AKAP8L: variants seen among roughly 807,000 people sequenced by gnomAD.
AKAP8L encodes the protein A-kinase anchoring protein 8 like, also known as A-kinase anchor protein 8-like.
In AKAP8L, 34 loss-of-function variants were observed where a neutral mutation model predicts 77.5. That is an observed-to-expected ratio of 0.44 (90% CI 0.33 to 0.58). The LOEUF (loss-of-function observed/expected upper bound fraction) is 0.58. Among genes scored for constraint, AKAP8L ranks in the 20% least tolerant of loss-of-function variants. The pLI is 0.02. For missense variants in AKAP8L, 806 were observed against 887.6 expected (o/e 0.91, Z 1.17); for synonymous variants, 342 against 340.7 (o/e 1.00, Z -0.04).
chr19:15,396,823 G>A (rs1429869770), intron 12 of AKAP8L, among the ~76,000 whole-genome samples: 1 of 152,154 alleles, frequency 6.6e-6, no homozygotes, highest in African/African-American at 2.4e-5. Context: ...CAGCTCTCCT[G>A]AGCCTCAAGC....
intron 12 of AKAP8L, chr19:15,381,152 A>G (rs1370826010): frequency 6.5e-6 from 1 of 154,486 alleles, no homozygotes; most frequent in Non-Finnish European, 1.4e-5. Flanking sequence ...TTTGGAAAGC[A>G]GTTTGACACA....
chr19:15,403,197 T>G lies in AKAP8L; in HGVS notation c.362+278A>C. Reference sequence around the variant, plus strand: ...GAGGGAGGGGTGGCTGAACACTCTGTTTTTGAGGGCACAGTGAAGTCTGCC... The same window carrying G: ...GAGGGAGGGGTGGCTGAACACTCTGGTTTTGAGGGCACAGTGAAGTCTGCC... On this transcript the variant is annotated intron_variant, in intron 4 of 13. Coordinates refer to ENST00000397410, the MANE Select transcript of AKAP8L (RefSeq NM_014371.4). This position sits in a 1 kb window ranked among gnomAD's most constrained non-coding sequence, Gnocchi z 4.3. The G allele has an allele frequency of 2.1e-6, 1 of 476,386 alleles. No individual in the cohort carries two copies. Among genetic ancestry groups the G allele is most frequent in the Non-Finnish European group, 3.9e-6 (1 of 258,016 alleles). The allele number at this position is 476,386 out of a possible 1,614,324, so 29.5% of individuals were successfully genotyped here. A position where few individuals can be genotyped will look rare whatever the true frequency, so the allele number is the denominator to read the frequency against.
chr19:15,407,358 G>A (rs574928817), intron 2 of AKAP8L, among the ~76,000 whole-genome samples: 11 of 152,264 alleles, frequency 7.2e-5, no homozygotes, highest in African/African-American at 2.6e-4. Flanking sequence ...ACATTAATAT[G>A]GTAGGATCTT....
intron 12 of AKAP8L, among the ~76,000 whole-genome samples, chr19:15,389,690 G>C (rs1967619527): frequency 6.6e-6 from 1 of 152,216 alleles, no homozygotes; most frequent in African/African-American, 2.4e-5. Flanking sequence ...GGAATCACTT[G>C]AACCTGGGAG....
intron 12 of AKAP8L, among the ~76,000 whole-genome samples, chr19:15,389,876 A>C (rs1260252168): frequency 6.6e-6 from 1 of 151,472 alleles, no homozygotes; most frequent in East Asian, 2.0e-4. Context: ...AAAATCTTGA[A>C]AGCAGCAAGA....
intron 12 of AKAP8L, among the ~76,000 whole-genome samples, chr19:15,395,318 T>TTTTTG (rs761461362): frequency 6.7e-5 from 10 of 150,332 alleles, no homozygotes; most frequent in East Asian, 4.0e-4. Flanking sequence ...TGTTTTGGTT[T>TTTTTG]TTTTGTTTTG....
intron 12 of AKAP8L, among the ~76,000 whole-genome samples, chr19:15,393,071 C>A (rs1967697285): frequency 6.6e-6 from 1 of 151,956 alleles, no homozygotes; most frequent in African/African-American, 2.4e-5. Flanking sequence ...ATGCCAAGAT[C>A]ATTCAATGGG....
intron 12 of AKAP8L, among the ~76,000 whole-genome samples, chr19:15,387,821 T>C (rs1197014680): frequency 3.3e-5 from 5 of 152,078 alleles, no homozygotes. Flanking sequence ...TAGCCGGGCG[T>C]GGTAGCACAT....
chr19:15,392,740 C>G (rs1167515751), intron 12 of AKAP8L, among the ~76,000 whole-genome samples: 2 of 150,498 alleles, frequency 1.3e-5, no homozygotes, highest in Non-Finnish European at 3.0e-5. Context: ...ACCAAAAATA[C>G]AAAAAATTAG....
At chr19:15,414,591 C>A (rs913773394) in intron 1 of AKAP8L, among the ~76,000 whole-genome samples, 9 of 151,422 alleles carry the variant, frequency 5.9e-5, no homozygotes, top group Non-Finnish European at 1.3e-4. Flanking sequence ...TGGGGTCACG[C>A]CATTCTCCTG....
At chr19:15,405,414 T>C (rs1424781236) in intron 2 of AKAP8L, among the ~76,000 whole-genome samples, 3 of 151,320 alleles carry the variant, frequency 2.0e-5, no homozygotes, top group African/African-American at 7.3e-5. Context: ...ACACCTGTAG[T>C]CCCAGCTACT....
At chr19:15,391,129 A>C (rs536304663) in intron 12 of AKAP8L, among the ~76,000 whole-genome samples, 6 of 152,320 alleles carry the variant, frequency 3.9e-5, no homozygotes, top group Admixed American at 3.9e-4. Flanking sequence ...CTCTATTTGC[A>C]GATGACTGAT....
intron 12 of AKAP8L, among the ~76,000 whole-genome samples, chr19:15,389,945 G>A (rs533006701): frequency 6.6e-6 from 1 of 152,064 alleles, no homozygotes; most frequent in South Asian, 2.1e-4. Context: ...TCTCAGCGGG[G>A]CACGGTGGCT....
intron 8 of AKAP8L, 84 bp downstream of exon 8, chr19:15,400,211 C>G: frequency 4.8e-6 from 7 of 1,449,724 alleles, no homozygotes; most frequent in East Asian, 2.3e-5. Context: ...GCATGTCTGC[C>G]GCAACCCTGC....
Position 15,397,072 on chromosome 19 carries a change from G to A in AKAP8L, c.1536+78C>T. On this transcript the variant is annotated intron_variant, in intron 12 of 13. Transcript: ENST00000397410. The surrounding 1 kb of genome is among the most constrained non-coding windows in gnomAD (Gnocchi z 4.7). ...CTGCAGTCCCTCACGGGCTGGCAGA[G>A]GTTCCAACTGCACAACCTCCCCAGA... 1.3e-6 allele frequency: 2 copies of A among 1,585,908 alleles called. No individual in the cohort carries two copies. The highest frequency in any genetic ancestry group is 8.6e-7 in the Non-Finnish European group (1 of 1,161,702).
chr19:15,400,494 G>C (rs1174179972), intron 7 of AKAP8L, 136 bp from the exon 8 acceptor site: 1 of 930,050 alleles, frequency 1.1e-6, no homozygotes, highest in African/African-American at 1.7e-5. Context: ...CCTATAGGCA[G>C]GGTGGCCCAG....
chr19:15,402,195 T>C (rs1967914446), intron 4 of AKAP8L, among the ~76,000 whole-genome samples: 2 of 152,126 alleles, frequency 1.3e-5, no homozygotes, highest in African/African-American at 2.4e-5. Flanking sequence ...AGAGCTGTAT[T>C]ACATCAACCC....
At chr19:15,402,933 T>C (rs888081845) in intron 4 of AKAP8L, among the ~76,000 whole-genome samples, 1 of 152,158 alleles carries the variant, frequency 6.6e-6, no homozygotes, top group East Asian at 1.9e-4. Context: ...TATCCCCACC[T>C]GCAAAATGAG....
rs769298633 is a variant in AKAP8L, at chr19:15,397,684, T to A, written c.1299+30A>T. The A allele has an allele frequency of 1.2e-6, 2 of 1,613,944 alleles. No individual in the cohort carries two copies. Among genetic ancestry groups the A allele is most frequent in the Non-Finnish European group, 8.5e-7 (1 of 1,179,864 alleles). On this transcript the variant is annotated intron_variant, in intron 10 of 13. Transcript: ENST00000397410. This position sits in a 1 kb window ranked among gnomAD's most constrained non-coding sequence, Gnocchi z 4.7. ...TTATGTTCTCAGGGGTCCAAGAAACTAAGAGCGGCTGTGTTACTCCAAGGC... is the reference window on the plus strand; with the variant it reads ...TTATGTTCTCAGGGGTCCAAGAAACAAAGAGCGGCTGTGTTACTCCAAGGC...
Sources: allele counts gnomAD v4.1 joint callset (sites outside exome capture counted in the v4.1 genomes callset), GRCh38; gene constraint gnomAD v4.1.1; non-coding constraint Gnocchi (gnomAD v3.1); transcripts MANE v1.5; gene names NCBI Gene and HGNC (gene_info 2026-07-23, HGNC 2026-07-21).